BDP1: variants seen among roughly 807,000 people sequenced by gnomAD.
BDP1 encodes BDP1 general transcription factor IIIB subunit.
In BDP1, 169 loss-of-function variants were observed where a neutral mutation model predicts 266.6. That is an observed-to-expected ratio of 0.63 (90% CI 0.56 to 0.72). The LOEUF (loss-of-function observed/expected upper bound fraction) is 0.72, where lower values mean the gene tolerates loss of function less well. Among genes scored for constraint, BDP1 ranks in the 30% least tolerant of loss-of-function variants. The pLI is 0.00. For synonymous variants in BDP1, 1,090 were observed against 1,022.4 expected (o/e 1.07, Z -1.26); for missense variants, 3,015 against 3,053.8 (o/e 0.99, Z 0.30).
At chr5:71,538,912 A>G in intron 26 of BDP1, 130 bp from the exon 27 acceptor site, 1 of 644,478 alleles carries the variant, frequency 1.6e-6, no homozygotes, top group Non-Finnish European at 2.7e-6. Context: ...ATAATTATAA[A>G]TTAAGACAAA....
Position 71,495,234 on chromosome 5 carries a change from ATTTTC to A in BDP1, c.1641-11_1641-7del, listed in dbSNP as rs1561705948. Reference sequence around the variant, plus strand: ...TTAGGAATTCTTTTCTCTCTGAAATATTTTCTTTTTTTTAGTAATCAACAAGATGC... The same window carrying A: ...TTAGGAATTCTTTTCTCTCTGAAATATTTTTTTTAGTAATCAACAAGATGC... On this transcript the variant is annotated splice_polypyrimidine_tract_variant and intron_variant, in intron 11 of 38. Coordinates refer to ENST00000358731, the MANE Select transcript of BDP1 (RefSeq NM_018429.3). 1 of 1,486,668 alleles carries A rather than the reference ATTTTC, an allele frequency of 6.7e-7. No homozygotes were observed. The allele number at this position is 1,486,668 out of a possible 1,614,324, so 92.1% of individuals were successfully genotyped here.
chr5:71,549,555 C>T lies in BDP1; in HGVS notation c.6944C>T (p.Pro2315Leu). 1 of 1,613,232 alleles carries T rather than the reference C, an allele frequency of 6.2e-7. No homozygotes were observed. The highest frequency in any genetic ancestry group is 8.5e-7 in the Non-Finnish European group (1 of 1,179,636). The change falls in exon 34 of 39, where the codon CCA becomes CTA. Residue 2315 changes from proline (P) to leucine (L), a missense_variant. Physicochemically the swap from Pro to Leu is moderately conservative, Grantham distance 98. Around this residue, in one of 3 missense-constraint regions of BDP1, gnomAD observed 629 missense variants for 632.5 expected, o/e 0.99. Transcript: ENST00000358731. ...TAQFMPNPLL[P>L]APILVKSVNT... ...CAGTTCATGCCAAACCCTTTACTGCCAGCTCCCATATTGGTCAAATCAGTG... is the reference window on the plus strand; with the variant it reads ...CAGTTCATGCCAAACCCTTTACTGCTAGCTCCCATATTGGTCAAATCAGTG...
intron 14 of BDP1, among the ~76,000 whole-genome samples, chr5:71,502,228 G>A (rs960395280): frequency 2.9e-5 from 4 of 135,620 alleles, no homozygotes; most frequent in Admixed American, 8.6e-5. Flanking sequence ...GCTCTGTCAC[G>A]TAGTGGTGCA....
At chr5:71,472,888 CT>C (rs57109617) in intron 7 of BDP1, among the ~76,000 whole-genome samples, 46 of 53,942 alleles carry the variant, frequency 8.5e-4, no homozygotes, top group African/African-American at 2.6e-3. Context: ...CTCTCTCTCT[CT>C]TTTTTTTTTT....
At chr5:71,511,940 T>G (rs1170499477) in intron 17 of BDP1, among the ~76,000 whole-genome samples, 1 of 152,150 alleles carries the variant, frequency 6.6e-6, no homozygotes, top group Non-Finnish European at 1.5e-5. Flanking sequence ...TAAAAGTTCT[T>G]TTTGTTTTTT....
intron 23 of BDP1, 102 bp downstream of exon 23, chr5:71,522,592 CT>C: frequency 8.4e-7 from 1 of 1,188,938 alleles, no homozygotes; most frequent in Non-Finnish European, 1.2e-6. Flanking sequence ...GACTTCTGTA[CT>C]GTAACCATTT....
At position 71,541,565 on chromosome 5, in the gene BDP1, C is replaced by A. The variant is rs759310173; in HGVS notation, c.6134C>A (p.Pro2045His). The A allele has an allele frequency of 6.2e-7, 1 of 1,611,820 alleles. No homozygotes were observed. Among genetic ancestry groups the A allele is most frequent in the Non-Finnish European group, 8.5e-7 (1 of 1,178,422 alleles). Reference protein sequence around the residue: ...IVHECQELSSPVITTSPASFE... With the variant: ...IVHECQELSSHVITTSPASFE... Reference sequence around the variant, plus strand: ...CATGAATGTCAGGAACTTTCTTCACCTGTCATTACTACATCTCCTGCATCA... The same window carrying A: ...CATGAATGTCAGGAACTTTCTTCACATGTCATTACTACATCTCCTGCATCA... Residue 2045 changes from proline (P) to histidine (H), a missense_variant, in exon 29 of 39, where the codon CCT becomes CAT. By Grantham distance (77) the Pro-to-His change is moderately conservative (BLOSUM62 -2). This residue lies in a region of BDP1 where 2,383 missense variants were observed against 2,404.9 expected (regional missense o/e 0.99). Transcript: ENST00000358731.
chr5:71,545,297 C>T, intron 32 of BDP1, 78 bp downstream of exon 32: 2 of 1,226,608 alleles, frequency 1.6e-6, no homozygotes, highest in South Asian at 1.3e-5. Flanking sequence ...AATTTACATA[C>T]AATAAACTTC....
At chr5:71,481,985 T>C (rs1334449137) in intron 7 of BDP1, among the ~76,000 whole-genome samples, 1 of 152,186 alleles carries the variant, frequency 6.6e-6, no homozygotes, top group Non-Finnish European at 1.5e-5. Context: ...TGGTGATCTT[T>C]CTGGTGTCTG....
intron 35 of BDP1, among the ~76,000 whole-genome samples, chr5:71,555,075 A>C (rs933944075): frequency 2.6e-5 from 4 of 152,182 alleles, no homozygotes; most frequent in Admixed American, 1.3e-4. Flanking sequence ...CAGATAGAAG[A>C]CATTTTTTAT....
intron 25 of BDP1, among the ~76,000 whole-genome samples, chr5:71,527,776 AC>A (rs1162734818): frequency 1.1e-4 from 16 of 151,092 alleles, no homozygotes; most frequent in African/African-American, 3.9e-4. Flanking sequence ...TGCGGGATAT[AC>A]CCAGAAGTGG....
chr5:71,542,846 T>C (rs1053391475), intron 30 of BDP1, among the ~76,000 whole-genome samples: 1 of 152,190 alleles, frequency 6.6e-6, no homozygotes, highest in African/African-American at 2.4e-5. Flanking sequence ...TGTATTCTTA[T>C]GATAAAATGG....
chr5:71,481,186 T>A (rs1762940127), intron 7 of BDP1, among the ~76,000 whole-genome samples: 1 of 149,838 alleles, frequency 6.7e-6, no homozygotes, highest in Admixed American at 6.7e-5. Context: ...AAAAAAAAAA[T>A]GAAATCACAT....
At chr5:71,557,760 A>G (rs2112052856) in intron 36 of BDP1, among the ~76,000 whole-genome samples, 3 of 133,894 alleles carry the variant, frequency 2.2e-5, no homozygotes, top group Middle Eastern at 3.8e-3. Flanking sequence ...CTGGTCTTGA[A>G]CTCCTGGCTT....
At chr5:71,559,008 G>A (rs1743435437) in intron 36 of BDP1, among the ~76,000 whole-genome samples, 1 of 151,616 alleles carries the variant, frequency 6.6e-6, no homozygotes, top group Admixed American at 6.6e-5. Context: ...ACAAAAATTA[G>A]TTAGGTGTGG....
intron 3 of BDP1, 30 bp downstream of exon 3, chr5:71,461,956 CT>C: frequency 1.1e-5 from 8 of 725,328 alleles, no homozygotes; most frequent in Non-Finnish European, 1.8e-5. Context: ...GCTTTACTAT[CT>C]CTTTTTTTTT....
Position 71,565,039 on chromosome 5 carries a change from T to A in BDP1, c.*154T>A. ...TGAGCTTGATTTGAAGCTTTTATAA[T>A]CAGTGGAAAACATTTCTGAGGTTCC... On this transcript the variant is annotated 3_prime_UTR_variant, in exon 39 of 39. Coordinates refer to ENST00000358731, the MANE Select transcript of BDP1 (RefSeq NM_018429.3). 1.4e-6 allele frequency: 1 copy of A among 702,508 alleles called. No homozygotes were observed. Among genetic ancestry groups the A allele is most frequent in the Non-Finnish European group, 2.3e-6 (1 of 441,362 alleles). 43.5% of individuals were successfully genotyped at this position (702,508 alleles called of 1,614,324 possible). A position where few individuals can be genotyped will look rare whatever the true frequency, so the allele number is the denominator to read the frequency against.
rs140243961 is a variant in BDP1 at position 71,520,150 on chromosome 5, A to T, written c.4992-2139A>T. Among the ~76,000 whole-genome samples, 749 of 152,090 alleles carry T rather than the reference A, an allele frequency of 4.9e-3. 8 individuals carry two copies. Among genetic ancestry groups the T allele is most frequent in the African/African-American group, 0.017 (709 of 41,484 alleles). ...TCTCTTTTGCCTATTCTTTAATCAG[A>T]TTATTTGTTTTTTTGCTATTGAGTT... is the stretch of plus-strand genomic sequence containing the variant. On this transcript the variant is annotated intron_variant, in intron 22 of 38. Coordinates refer to ENST00000358731, the MANE Select transcript of BDP1 (RefSeq NM_018429.3).
chr5:71,490,319 A>G (rs1313317726), intron 10 of BDP1, among the ~76,000 whole-genome samples: 1 of 152,190 alleles, frequency 6.6e-6, no homozygotes, highest in Non-Finnish European at 1.5e-5. Flanking sequence ...TTAATAAAAG[A>G]GTACTGGTAG....
Sources: gnomAD v4.1 joint callset for allele counts (sites outside exome capture counted in the v4.1 genomes callset) on GRCh38, gnomAD v4.1.1 for gene constraint, gnomAD v4.1.1 regional missense constraint, MANE v1.5 for transcripts, NCBI Gene and HGNC (gene_info 2026-07-23, HGNC 2026-07-21) for gene names.